Variants in EPHA6 observed in about 807,000 individuals in gnomAD.
EPHA6 encodes the protein EPH receptor A6, also known as ephrin type-A receptor 6.
A neutral mutation model predicts 112.0 loss-of-function variants in EPHA6; 50 were observed. The observed-to-expected ratio is 0.45, with a 90% CI of 0.36 to 0.56. The LOEUF (loss-of-function observed/expected upper bound fraction) is 0.56, where lower values mean the gene tolerates loss of function less well. EPHA6 is among the 20% of genes least tolerant of loss of function. The probability of loss-of-function intolerance (pLI) is 0.00; values close to 1 mark genes in which losing one functional copy is unlikely to be tolerated. For missense variants in EPHA6, 1,280 were observed against 1,417.4 expected (o/e 0.90, Z 1.56); for synonymous variants, 529 against 490.7 (o/e 1.08, Z -1.03).
At chr3:97,548,198 A>C (rs972622684) in intron 11 of EPHA6, among the ~76,000 whole-genome samples, 3 of 152,302 alleles carry the variant, frequency 2.0e-5, no homozygotes, top group Admixed American at 2.0e-4. Flanking sequence ...GTATTCGGCC[A>C]TCTTGGCTCC....
At chr3:97,040,194 C>A (rs1450382994) in intron 3 of EPHA6, among the ~76,000 whole-genome samples, 2 of 151,604 alleles carry the variant, frequency 1.3e-5, no homozygotes, top group Non-Finnish European at 2.9e-5. Context: ...CACTTGGAAT[C>A]CTGGATTTAA....
chr3:97,372,571 C>T (rs916782701), intron 5 of EPHA6, among the ~76,000 whole-genome samples: 1 of 151,980 alleles, frequency 6.6e-6, no homozygotes, highest in African/African-American at 2.4e-5. Flanking sequence ...ATGTAAACAA[C>T]CTCTGTTATT....
At chr3:97,187,315 C>T (rs528238287) in intron 3 of EPHA6, among the ~76,000 whole-genome samples, 12 of 152,104 alleles carry the variant, frequency 7.9e-5, no homozygotes, top group East Asian at 1.9e-4. Flanking sequence ...CGGTGGCTCA[C>T]GCCTGTATTC....
chr3:97,272,044 T>A (rs1446455932), intron 5 of EPHA6, among the ~76,000 whole-genome samples: 1 of 152,224 alleles, frequency 6.6e-6, no homozygotes, highest in East Asian at 1.9e-4. Flanking sequence ...TTATCCTACA[T>A]AACTACAAAT....
At chr3:97,081,293 G>A (rs2046711016) in intron 3 of EPHA6, among the ~76,000 whole-genome samples, 1 of 151,690 alleles carries the variant, frequency 6.6e-6, no homozygotes, top group Non-Finnish European at 1.5e-5. Context: ...TACATATGAA[G>A]GCTTAAAGAT....
At chr3:97,209,296 G>GTC (rs1372874114) in intron 3 of EPHA6, among the ~76,000 whole-genome samples, 1 of 151,910 alleles carries the variant, frequency 6.6e-6, no homozygotes, top group Non-Finnish European at 1.5e-5. Flanking sequence ...AATGTCTCAT[G>GTC]TCACACACAC....
intron 5 of EPHA6, among the ~76,000 whole-genome samples, chr3:97,324,482 CTCTT>C (rs1160343256): frequency 5.9e-5 from 3 of 50,896 alleles, no homozygotes; most frequent in Non-Finnish European, 1.3e-4. Flanking sequence ...TTTCTTTCGT[CTCTT>C]TCTCTTTCTT....
chr3:97,423,875 A>T (rs1043905954), intron 6 of EPHA6, among the ~76,000 whole-genome samples: 6 of 152,208 alleles, frequency 3.9e-5, no homozygotes, highest in African/African-American at 1.4e-4. Flanking sequence ...GATCTTCTAC[A>T]AAGTCAACAA....
intron 3 of EPHA6, among the ~76,000 whole-genome samples, chr3:97,126,022 A>G (rs573037944): frequency 6.6e-6 from 1 of 152,206 alleles, no homozygotes; most frequent in Non-Finnish European, 1.5e-5. Context: ...TTCAAGATCA[A>G]ATGGCAAGGA....
At chr3:97,190,881 A>G (rs2077287315) in intron 3 of EPHA6, among the ~76,000 whole-genome samples, 1 of 152,094 alleles carries the variant, frequency 6.6e-6, no homozygotes, top group South Asian at 2.1e-4. Context: ...AAAAAAGTCT[A>G]TTAGCAATTT....
intron 3 of EPHA6, among the ~76,000 whole-genome samples, chr3:97,030,701 G>T (rs1490813891): frequency 6.6e-6 from 1 of 151,850 alleles, no homozygotes; most frequent in Non-Finnish European, 1.5e-5. Flanking sequence ...GTAAATGCAA[G>T]GAATTAATTA....
chr3:97,666,373 TA>T (rs937288854), intron 14 of EPHA6, among the ~76,000 whole-genome samples: 2 of 152,220 alleles, frequency 1.3e-5, no homozygotes, highest in African/African-American at 4.8e-5. Context: ...CAACAGAATT[TA>T]TTGTCTCAAA....
At chr3:97,227,144 T>A (rs1357032878) in intron 4 of EPHA6, among the ~76,000 whole-genome samples, 1 of 152,108 alleles carries the variant, frequency 6.6e-6, no homozygotes, top group East Asian at 1.9e-4. Context: ...CCCCTTAGAT[T>A]TTTTTTAAAG....
chr3:96,859,042 C>T (rs112975486), intron 1 of EPHA6, among the ~76,000 whole-genome samples: 1,661 of 152,194 alleles, frequency 0.011, 29 homozygotes, highest in African/African-American at 0.038. Flanking sequence ...CCTGCTTACA[C>T]TATACTGCTT....
intron 1 of EPHA6, among the ~76,000 whole-genome samples, chr3:96,859,692 A>G (rs1480095437): frequency 6.6e-6 from 1 of 151,876 alleles, no homozygotes; most frequent in East Asian, 1.9e-4. Context: ...TGTATTTGGG[A>G]TTGTTTTGGA....
intron 15 of EPHA6, among the ~76,000 whole-genome samples, chr3:97,724,925 A>G (rs1033861189): frequency 6.6e-6 from 1 of 152,078 alleles, no homozygotes; most frequent in African/African-American, 2.4e-5. Context: ...TTAAATGGAA[A>G]CAATACTGTG....
At chr3:96,844,594 C>T (rs147151712) in intron 1 of EPHA6, among the ~76,000 whole-genome samples, 46 of 151,922 alleles carry the variant, frequency 3.0e-4, no homozygotes, top group Middle Eastern at 3.4e-3. Context: ...GTAGTATAGA[C>T]GTGTAGCATG....
At chr3:97,566,646 G>C (rs2093271213) in intron 11 of EPHA6, among the ~76,000 whole-genome samples, 2 of 152,158 alleles carry the variant, frequency 1.3e-5, no homozygotes, top group African/African-American at 4.8e-5. Context: ...AATTCAAAGA[G>C]AGTGTTTTGG....
Position 97,638,916 on chromosome 3 carries a change from C to G in EPHA6, c.2784+834C>G, listed in dbSNP as rs535448393. Among the ~76,000 whole-genome samples the G allele has an allele frequency of 3.3e-5, 5 of 152,222 alleles. No individual in the cohort carries two copies. In the South Asian group the frequency reaches 1.0e-3, roughly 32 times the overall value. On this transcript the variant is annotated intron_variant, in intron 14 of 17. Coordinates refer to ENST00000389672, the MANE Select transcript of EPHA6 (RefSeq NM_001080448.3). ...TTTTTATTATATTCTTATTTTCTCACTTTACACATTATTTTAAAAGATGCA... is the reference window on the plus strand; with the variant it reads ...TTTTTATTATATTCTTATTTTCTCAGTTTACACATTATTTTAAAAGATGCA...
Sources: allele counts gnomAD v4.1 joint callset (sites outside exome capture counted in the v4.1 genomes callset), GRCh38; gene constraint gnomAD v4.1.1; transcripts MANE v1.5; gene names NCBI Gene and HGNC (gene_info 2026-07-23, HGNC 2026-07-21).